FAM227B: variants seen among roughly 807,000 people sequenced by gnomAD.
The protein encoded by FAM227B is family with sequence similarity 227 member B.
Under a neutral mutation model 73.8 loss-of-function variants are expected in FAM227B, and 88 were observed. The ratio of observed to expected loss-of-function variants is 1.19; its 90% CI spans 1.00 to 1.42. The LOEUF is 1.42. Ranked by LOEUF, FAM227B falls within the 40% of genes most tolerant of loss-of-function variation. The probability of loss-of-function intolerance (pLI) is 0.00; values close to 1 mark genes in which losing one functional copy is unlikely to be tolerated. For missense variants in FAM227B, 632 were observed against 590.9 expected (o/e 1.07, Z -0.72); for synonymous variants, 210 against 190.5 (o/e 1.10, Z -0.84).
chr15:49,437,195 G>A (rs915282218), intron 11 of FAM227B, among the ~76,000 whole-genome samples: 1 of 151,426 alleles, frequency 6.6e-6, no homozygotes, highest in African/African-American at 2.4e-5. Flanking sequence ...TATATATACA[G>A]TTTAATTTCA....
chr15:49,431,024 C>T (rs563710120), intron 11 of FAM227B, among the ~76,000 whole-genome samples: 1 of 151,882 alleles, frequency 6.6e-6, no homozygotes, highest in African/African-American at 2.4e-5. Context: ...TTGTATCACA[C>T]AATTTTTGGT....
chr15:49,557,754 A>G (rs1230490961), intron 9 of FAM227B, among the ~76,000 whole-genome samples: 2 of 152,142 alleles, frequency 1.3e-5, no homozygotes, highest in African/African-American at 2.4e-5. Context: ...CCCGGACATG[A>G]GAGATATTCC....
intron 10 of FAM227B, among the ~76,000 whole-genome samples, chr15:49,522,833 G>A (rs548086296): frequency 1.3e-5 from 2 of 152,250 alleles, no homozygotes; most frequent in South Asian, 2.1e-4. Flanking sequence ...TTCTGAGGCA[G>A]AAGAAGAAAA....
At chr15:49,536,072 C>CAAAAAAAAAAAAAAAAA (rs59203003) in intron 10 of FAM227B, among the ~76,000 whole-genome samples, 3 of 114,012 alleles carry the variant, frequency 2.6e-5, no homozygotes, top group African/African-American at 6.6e-5. Context: ...GGCAATCAGA[C>CAAAAAAAAAAAAAAAAA]AAAAAAAAAA....
Position 49,328,430 on chromosome 15 carries a change from A to G in FAM227B, c.*138T>C. The G allele has an allele frequency of 6.9e-7, 1 of 1,444,832 alleles. No homozygotes were observed. The highest frequency in any genetic ancestry group is 9.1e-7 in the Non-Finnish European group (1 of 1,100,576). 89.5% of individuals were successfully genotyped at this position (1,444,832 alleles called of 1,614,324 possible). A position where few individuals can be genotyped will look rare whatever the true frequency, so the allele number is the denominator to read the frequency against. ...CTTACTGAGATTTATTGATTTGAAGATTTTAAAGATGAATGGTAAAACACA... is the reference window on the plus strand; with the variant it reads ...CTTACTGAGATTTATTGATTTGAAGGTTTTAAAGATGAATGGTAAAACACA... On this transcript the variant is annotated 3_prime_UTR_variant, in exon 16 of 16. Transcript: ENST00000299338.
At chr15:49,399,676 G>A (rs2047981204) in intron 11 of FAM227B, among the ~76,000 whole-genome samples, 2 of 149,566 alleles carry the variant, frequency 1.3e-5, no homozygotes, top group South Asian at 4.3e-4. Flanking sequence ...TCATCCCTGG[G>A]ATGCAAGGCT....
At chr15:49,572,563 A>C (rs1442742335) in intron 8 of FAM227B, among the ~76,000 whole-genome samples, 1 of 152,142 alleles carries the variant, frequency 6.6e-6, no homozygotes, top group African/African-American at 2.4e-5. Flanking sequence ...AAAATTGTAC[A>C]TTCACCTGGA....
At chr15:49,377,429 G>A (rs2046241358) in intron 11 of FAM227B, among the ~76,000 whole-genome samples, 1 of 151,892 alleles carries the variant, frequency 6.6e-6, no homozygotes, top group Non-Finnish European at 1.5e-5. Flanking sequence ...TTAGTTTTTT[G>A]AGGAAACTCC....
intron 11 of FAM227B, among the ~76,000 whole-genome samples, chr15:49,443,080 A>G (rs1001871707): frequency 1.1e-4 from 16 of 151,756 alleles, no homozygotes; most frequent in African/African-American, 3.9e-4. Context: ...GGGATTAGTT[A>G]TAAGTAGGGT....
At chr15:49,617,371 G>A (rs1490516046) in intron 1 of FAM227B, among the ~76,000 whole-genome samples, 1 of 152,070 alleles carries the variant, frequency 6.6e-6, no homozygotes, top group Non-Finnish European at 1.5e-5. Context: ...AACCAAAACT[G>A]CATGTTATAA....
At chr15:49,411,304 G>A (rs1267980282) in intron 11 of FAM227B, among the ~76,000 whole-genome samples, 1 of 151,842 alleles carries the variant, frequency 6.6e-6, no homozygotes, top group African/African-American at 2.4e-5. Flanking sequence ...AACGAGATGA[G>A]GAACATTGTT....
chr15:49,528,753 A>ATAATC (rs2060393438), intron 10 of FAM227B, among the ~76,000 whole-genome samples: 1 of 152,004 alleles, frequency 6.6e-6, no homozygotes, highest in African/African-American at 2.4e-5. Flanking sequence ...ATTATCAGAG[A>ATAATC]AGCACATTAA....
intron 9 of FAM227B, among the ~76,000 whole-genome samples, chr15:49,562,421 G>A (rs548866360): frequency 4.6e-5 from 7 of 151,878 alleles, no homozygotes; most frequent in Admixed American, 2.6e-4. Flanking sequence ...AAATCTACCA[G>A]TTGAAGAGCT....
At chr15:49,527,052 C>G (rs200451609) in intron 10 of FAM227B, among the ~76,000 whole-genome samples, 5 of 82,384 alleles carry the variant, frequency 6.1e-5, no homozygotes, top group African/African-American at 1.7e-4. Flanking sequence ...ACCAGTATCA[C>G]CCAGTACCAA....
chr15:49,501,383 A>G (rs973751335), intron 11 of FAM227B, among the ~76,000 whole-genome samples: 1 of 152,224 alleles, frequency 6.6e-6, no homozygotes, highest in Admixed American at 6.5e-5. Context: ...AGCAAAGGTC[A>G]TCTGTGTTGT....
intron 11 of FAM227B, among the ~76,000 whole-genome samples, chr15:49,390,541 C>T (rs548199195): frequency 6.6e-6 from 1 of 152,024 alleles, no homozygotes; most frequent in Non-Finnish European, 1.5e-5. Context: ...ACAGAATGCT[C>T]AGAGCCAATC....
chr15:49,574,792 T>C, intron 8 of FAM227B: 1 of 288,034 alleles, frequency 3.5e-6, no homozygotes, highest in South Asian at 9.9e-5. Flanking sequence ...ATATGAAGTC[T>C]AATTTCAAAG....
intron 3 of FAM227B, among the ~76,000 whole-genome samples, chr15:49,603,823 AT>A (rs1482521270): frequency 6.6e-6 from 1 of 152,186 alleles, no homozygotes; most frequent in Non-Finnish European, 1.5e-5. Flanking sequence ...GTTAAAGTAT[AT>A]TCCTTCTATA....
rs1162968069 is a variant in FAM227B at position 49,589,927 on chromosome 15, T to A, written c.186A>T (p.Ser62=). ...ATAGGTGTGTATAAATTGAAACAAATGAACTATCTTCTTTTATTTTTTTCA... is the reference window on the plus strand; with the variant it reads ...ATAGGTGTGTATAAATTGAAACAAAAGAACTATCTTCTTTTATTTTTTTCA... ...CTLKKIKEDS[S]FVSIYTHLWE... The change falls in exon 4 of 16, where the codon TCA becomes TCT. Residue 62 remains serine, a synonymous_variant. Transcript: ENST00000299338. 1 of 1,601,014 alleles carries A rather than the reference T, an allele frequency of 6.2e-7. No individual in the cohort carries two copies. Among genetic ancestry groups the A allele is most frequent in the East Asian group, 2.2e-5 (1 of 44,758 alleles).
Sources: allele counts gnomAD v4.1 joint callset (sites outside exome capture counted in the v4.1 genomes callset), GRCh38; gene constraint gnomAD v4.1.1; transcripts MANE v1.5; gene names NCBI Gene and HGNC (gene_info 2026-07-23, HGNC 2026-07-21).